ADCY2: variants seen among roughly 807,000 people sequenced by gnomAD.
The protein encoded by ADCY2 is adenylate cyclase type 2.
A neutral mutation model predicts 125.2 loss-of-function variants in ADCY2; 31 were observed. The observed-to-expected ratio is 0.25, with a 90% CI of 0.19 to 0.33. The LOEUF (loss-of-function observed/expected upper bound fraction) is 0.33, where lower values mean the gene tolerates loss of function less well. ADCY2 is among the 10% of genes least tolerant of loss of function. The pLI is 1.00. For synonymous variants in ADCY2, 512 were observed against 548.4 expected (o/e 0.93, Z 0.93); for missense variants, 904 against 1,418.2 (o/e 0.64, Z 5.82).
chr5:7,797,052 T>C (rs1744443374), intron 20 of ADCY2: 1 of 152,194 alleles, frequency 6.6e-6, no homozygotes, highest in Admixed American at 6.5e-5. Flanking sequence ...TTTCTGCTGG[T>C]GAGAACCCTC....
intron 2 of ADCY2, among the ~76,000 whole-genome samples, chr5:7,469,862 T>A (rs1226072125): frequency 1.3e-5 from 2 of 151,762 alleles, no homozygotes; most frequent in African/African-American, 4.8e-5. Context: ...TTTATTTTTT[T>A]ATTTATTCAT....
chr5:7,504,979 G>A (rs1287012528), intron 2 of ADCY2, among the ~76,000 whole-genome samples: 1 of 151,988 alleles, frequency 6.6e-6, no homozygotes, highest in Non-Finnish European at 1.5e-5. Flanking sequence ...CCAGGCACAA[G>A]TGATCCTCCC....
At chr5:7,716,485 A>G (rs947035928) in intron 11 of ADCY2, among the ~76,000 whole-genome samples, 9 of 152,232 alleles carry the variant, frequency 5.9e-5, no homozygotes, top group Non-Finnish European at 1.2e-4. Flanking sequence ...CACCGAGTAT[A>G]TATCTTTCAG....
At chr5:7,535,715 C>T (rs978456656) in intron 3 of ADCY2, among the ~76,000 whole-genome samples, 5 of 152,026 alleles carry the variant, frequency 3.3e-5, no homozygotes, top group African/African-American at 4.8e-5. Context: ...AGGGAGGATA[C>T]GAAGGTGATT....
chr5:7,511,330 C>A (rs1744049434), intron 2 of ADCY2, among the ~76,000 whole-genome samples: 2 of 152,186 alleles, frequency 1.3e-5, no homozygotes, highest in South Asian at 2.1e-4. Flanking sequence ...AATCCCAGTA[C>A]TTTGGGAGGC....
chr5:7,698,118 G>T, intron 6 of ADCY2, 129 bp from the exon 7 acceptor site: 1 of 1,098,082 alleles, frequency 9.1e-7, no homozygotes, highest in Non-Finnish European at 1.3e-6. Flanking sequence ...AAGCCCAACT[G>T]GTTCTCATTG....
chr5:7,425,932 A>T (rs1406883445), intron 2 of ADCY2, among the ~76,000 whole-genome samples: 2 of 152,132 alleles, frequency 1.3e-5, no homozygotes, highest in African/African-American at 4.8e-5. Context: ...GTAGATTTTA[A>T]TTAACTCATT....
At chr5:7,584,356 T>C (rs1350713834) in intron 3 of ADCY2, among the ~76,000 whole-genome samples, 1 of 152,038 alleles carries the variant, frequency 6.6e-6, no homozygotes, top group Non-Finnish European at 1.5e-5. Flanking sequence ...CTTGAGAACA[T>C]GTAAAAACAT....
intron 3 of ADCY2, among the ~76,000 whole-genome samples, chr5:7,533,997 G>T (rs555647399): frequency 6.6e-6 from 1 of 152,202 alleles, no homozygotes; most frequent in Non-Finnish European, 1.5e-5. Flanking sequence ...TGCTGAGATA[G>T]ACTGTCTCCT....
rs561532484 is a variant in ADCY2, at chr5:7,631,669, C to G, written c.720+5353C>G. Among the ~76,000 whole-genome samples the G allele has an allele frequency of 1.4e-4, 22 of 152,310 alleles. No individual in the cohort carries two copies. In the East Asian group the frequency reaches 4.1e-3, roughly 28 times the overall value. On this transcript the variant is annotated intron_variant, in intron 4 of 24. Transcript: ENST00000338316. ...TGTTCTTCCATTGAATTCTCATGCA[C>G]TAACATGAAGCAACAGAAATCAGCT... is the stretch of plus-strand genomic sequence containing the variant.
At chr5:7,414,522 T>A (rs1270150655) in intron 1 of ADCY2, 51 bp from the exon 2 acceptor site, 3 of 1,455,076 alleles carry the variant, frequency 2.1e-6, no homozygotes, top group Non-Finnish European at 2.8e-6. Context: ...ATCATTGGTA[T>A]CACAGTGTCT....
chr5:7,628,822 T>TA (rs1157731029), intron 4 of ADCY2, among the ~76,000 whole-genome samples: 3,648 of 139,942 alleles, frequency 0.026, 64 homozygotes, highest in African/African-American at 0.056. Flanking sequence ...TATCTTGGTT[T>TA]AAAAAAAAAA....
chr5:7,464,811 G>A (rs1162305901), intron 2 of ADCY2, among the ~76,000 whole-genome samples: 1 of 152,140 alleles, frequency 6.6e-6, no homozygotes, highest in Non-Finnish European at 1.5e-5. Context: ...TTAAAATCTT[G>A]ATATCCCTTG....
At chr5:7,804,069 A>AGAGAGAGAGAGAGAGAGAGAGG in intron 21 of ADCY2, among the ~76,000 whole-genome samples, 1 of 140,444 alleles carries the variant, frequency 7.1e-6, no homozygotes, top group Non-Finnish European at 1.5e-5. Context: ...AGAGAGAGAG[A>AGAGAGAGAGAGAGAGAGAGAGG]GAGAGCTGGT....
chr5:7,607,400 G>A (rs1403736495), intron 3 of ADCY2, among the ~76,000 whole-genome samples: 1 of 152,200 alleles, frequency 6.6e-6, no homozygotes, highest in Non-Finnish European at 1.5e-5. Flanking sequence ...TGTTGGTAGT[G>A]CACAACATAT....
intron 1 of ADCY2, among the ~76,000 whole-genome samples, chr5:7,413,559 A>G (rs1235688449): frequency 6.6e-6 from 1 of 151,450 alleles, no homozygotes; most frequent in Non-Finnish European, 1.5e-5. Flanking sequence ...CGGCCTCCCA[A>G]AGTACTGGGA....
intron 2 of ADCY2, among the ~76,000 whole-genome samples, chr5:7,457,940 A>G (rs1482416448): frequency 2.0e-5 from 3 of 152,198 alleles, no homozygotes; most frequent in Non-Finnish European, 4.4e-5. Flanking sequence ...AAAAAGTAGA[A>G]TCCAGTACAA....
chr5:7,403,393 C>T (rs1739342941), intron 1 of ADCY2, among the ~76,000 whole-genome samples: 1 of 152,128 alleles, frequency 6.6e-6, no homozygotes, highest in South Asian at 2.1e-4. Flanking sequence ...GACTCTTTCC[C>T]ATCATTGACT....
intron 3 of ADCY2, among the ~76,000 whole-genome samples, chr5:7,566,249 G>T (rs1454149201): frequency 6.6e-6 from 1 of 152,154 alleles, no homozygotes; most frequent in Non-Finnish European, 1.5e-5. Context: ...AACACTAGGA[G>T]GCCAAGGCAG....
Sources: allele counts gnomAD v4.1 joint callset (sites outside exome capture counted in the v4.1 genomes callset), GRCh38; gene constraint gnomAD v4.1.1; transcripts MANE v1.5; gene names NCBI Gene and HGNC (gene_info 2026-07-23, HGNC 2026-07-21).